The following PTPRK variants were observed in gnomAD, a reference collection of about 807,000 sequenced individuals.
PTPRK encodes the protein receptor-type tyrosine-protein phosphatase kappa.
A neutral mutation model predicts 178.0 loss-of-function variants in PTPRK; 75 were observed. The observed-to-expected ratio is 0.42, with a 90% CI of 0.35 to 0.51. The LOEUF is 0.51. Ranked by LOEUF, PTPRK falls within the 20% of genes least tolerant of loss-of-function variation. The pLI, the probability that PTPRK is intolerant of heterozygous loss-of-function variation, is 0.02. For synonymous variants in PTPRK, 637 were observed against 620.6 expected (o/e 1.03, Z -0.39); for missense variants, 1,441 against 1,797.8 (o/e 0.80, Z 3.59).
Position 128,477,419 on chromosome 6 carries a change from T to G in PTPRK, c.100+42840A>C, listed in dbSNP as rs183480464. Among the ~76,000 whole-genome samples the G allele has an allele frequency of 3.3e-5, 5 of 151,938 alleles. No homozygotes were observed. The East Asian group carries it at 9.7e-4, about 29-fold the overall frequency. On this transcript the variant is annotated intron_variant, in intron 1 of 29. Coordinates refer to ENST00000368226, the MANE Select transcript of PTPRK (RefSeq NM_002844.4). ...TTATTTTCATGGTTGCATTCAACAT[T>G]TACCACAAAGTTGCAATCTCTTTTC... is the stretch of plus-strand genomic sequence containing the variant.
chr6:128,511,072 A>C (rs1053827626), intron 1 of PTPRK, among the ~76,000 whole-genome samples: 1 of 152,196 alleles, frequency 6.6e-6, no homozygotes, highest in African/African-American at 2.4e-5. Context: ...GAGACAAGGA[A>C]AATAAAATAA....
At chr6:128,391,722 A>C (rs1195919372) in intron 2 of PTPRK, among the ~76,000 whole-genome samples, 1 of 152,060 alleles carries the variant, frequency 6.6e-6, no homozygotes, top group Admixed American at 6.6e-5. Context: ...GCCTAAGTCA[A>C]CATAACTTCC....
chr6:128,304,658 C>T (rs182898210), intron 3 of PTPRK, among the ~76,000 whole-genome samples: 9 of 152,166 alleles, frequency 5.9e-5, no homozygotes, highest in East Asian at 1.9e-4. Context: ...AGTTTAATAA[C>T]GATGATTACC....
intron 2 of PTPRK, among the ~76,000 whole-genome samples, chr6:128,391,115 T>C (rs1264712394): frequency 1.6e-5 from 1 of 62,612 alleles, no homozygotes; most frequent in African/African-American, 3.4e-5. Flanking sequence ...TGATAGAAAA[T>C]ATTATTTTTT....
At chr6:128,257,739 T>C (rs1267698399) in intron 3 of PTPRK, among the ~76,000 whole-genome samples, 1 of 152,184 alleles carries the variant, frequency 6.6e-6, no homozygotes, top group Non-Finnish European at 1.5e-5. Context: ...TCATAAACAT[T>C]GTCTTCACTC....
At chr6:128,009,555 C>A (rs1778825348) in intron 13 of PTPRK, among the ~76,000 whole-genome samples, 1 of 151,060 alleles carries the variant, frequency 6.6e-6, no homozygotes, top group African/African-American at 2.4e-5. Context: ...CCTTGAAAGT[C>A]CGAACATAAG....
rs79086877 is a variant in PTPRK, at chr6:128,023,835, CTTT to C, written c.2195-14570_2195-14568del. ...TGCCTGGCTAATGTTTTCTTTCTTT[CTTT>C]TTTTTTTTTTTGGTAGAGGTGAGGT... On this transcript the variant is annotated intron_variant, in intron 13 of 29. Transcript: ENST00000368226. 2.5e-3 allele frequency among the ~76,000 whole-genome samples: 349 copies of C among 141,234 alleles called. 1 individual carries two copies. Among genetic ancestry groups the C allele is most frequent in the African/African-American group, 8.0e-3 (315 of 39,366 alleles). The allele number at this position is 141,234 out of a possible 152,430, so 92.7% of individuals were successfully genotyped here.
chr6:128,000,218 T>C, intron 15 of PTPRK: 1 of 1,109,812 alleles, frequency 9.0e-7, no homozygotes, highest in Non-Finnish European at 1.1e-6. Context: ...GATATTTAAT[T>C]AACAGATAAA....
At chr6:127,977,554 A>C (rs1774748564) in intron 25 of PTPRK, among the ~76,000 whole-genome samples, 1 of 152,144 alleles carries the variant, frequency 6.6e-6, no homozygotes, top group Non-Finnish European at 1.5e-5. Flanking sequence ...AAATAAGAAA[A>C]ACCACAAGTA....
At chr6:128,083,676 C>A (rs373564711) in intron 9 of PTPRK, 39 bp downstream of exon 9, 8 of 1,302,340 alleles carry the variant, frequency 6.1e-6, no homozygotes, top group African/African-American at 1.5e-5. Flanking sequence ...TTTAGTCCTT[C>A]AATCCACATT....
At chr6:128,173,493 T>C (rs1328263845) in intron 7 of PTPRK, among the ~76,000 whole-genome samples, 1 of 152,018 alleles carries the variant, frequency 6.6e-6, no homozygotes, top group East Asian at 1.9e-4. Context: ...TAAATGGTGA[T>C]GACACTTAAA....
chr6:128,170,131 A>C (rs1800020630), intron 7 of PTPRK, among the ~76,000 whole-genome samples: 1 of 152,052 alleles, frequency 6.6e-6, no homozygotes, highest in Admixed American at 6.6e-5. Flanking sequence ...TTTGAATAAC[A>C]CAAAGCCTAA....
intron 13 of PTPRK, among the ~76,000 whole-genome samples, chr6:128,060,056 A>T (rs780144849): frequency 6.6e-6 from 1 of 152,104 alleles, no homozygotes; most frequent in African/African-American, 2.4e-5. Context: ...TATACTAGCA[A>T]TGAGAGCAGA....
chr6:128,317,428 T>C (rs1161775783), intron 3 of PTPRK, among the ~76,000 whole-genome samples: 2 of 151,606 alleles, frequency 1.3e-5, no homozygotes, highest in South Asian at 2.1e-4. Context: ...AAGTCTTCTC[T>C]CTCCAAATAG....
intron 1 of PTPRK, among the ~76,000 whole-genome samples, chr6:128,435,123 AGGAAGGC>A: frequency 8.8e-6 from 1 of 113,978 alleles, no homozygotes; most frequent in African/African-American, 4.8e-5. Flanking sequence ...GAAGGCAGGC[AGGAAGGC>A]AGGCAGGCAG....
intron 13 of PTPRK, among the ~76,000 whole-genome samples, chr6:128,051,818 G>A (rs1345467815): frequency 6.6e-6 from 1 of 151,898 alleles, no homozygotes; most frequent in African/African-American, 2.4e-5. Context: ...TTACATTTAT[G>A]TTAGCTATTT....
chr6:128,032,908 C>T (rs1775583469), intron 13 of PTPRK, among the ~76,000 whole-genome samples: 2 of 152,078 alleles, frequency 1.3e-5, no homozygotes, highest in Non-Finnish European at 2.9e-5. Context: ...GACCCCAGAT[C>T]TTATTTTCTT....
At chr6:128,181,353 G>A (rs1801878297) in intron 7 of PTPRK, among the ~76,000 whole-genome samples, 1 of 151,906 alleles carries the variant, frequency 6.6e-6, no homozygotes, top group African/African-American at 2.4e-5. Context: ...TATTTTTACA[G>A]CCACATAGTC....
intron 3 of PTPRK, among the ~76,000 whole-genome samples, chr6:128,286,980 T>G (rs994910409): frequency 6.6e-6 from 1 of 152,186 alleles, no homozygotes; most frequent in Admixed American, 6.5e-5. Context: ...TCCTACTGCT[T>G]TTCAGTGGAT....
Sources: gnomAD v4.1 joint callset for allele counts (sites outside exome capture counted in the v4.1 genomes callset) on GRCh38, gnomAD v4.1.1 for gene constraint, MANE v1.5 for transcripts, NCBI Gene and HGNC (gene_info 2026-07-23, HGNC 2026-07-21) for gene names.